Variants in HS3ST4 observed in about 807,000 individuals in gnomAD.
HS3ST4 encodes the protein heparan sulfate glucosamine 3-O-sulfotransferase 4.
HS3ST4 carries 17 observed loss-of-function variants against 29.2 expected under a neutral mutation model. The observed-to-expected ratio is 0.58, with a 90% CI of 0.40 to 0.87. The LOEUF (loss-of-function observed/expected upper bound fraction) is 0.87. HS3ST4 is among the 40% of genes least tolerant of loss of function. The pLI is 0.00. For synonymous variants in HS3ST4, 314 were observed against 285.7 expected (o/e 1.10, Z -1.00); for missense variants, 627 against 634.5 (o/e 0.99, Z 0.13).
chr16:25,891,633 G>A (rs1354765127), intron 1 of HS3ST4, among the ~76,000 whole-genome samples: 3 of 152,124 alleles, frequency 2.0e-5, no homozygotes, highest in Non-Finnish European at 4.4e-5. Context: ...ATAGCATCAC[G>A]TACTCTAGGT....
chr16:26,079,397 A>G (rs1427237651), intron 1 of HS3ST4, among the ~76,000 whole-genome samples: 1 of 152,250 alleles, frequency 6.6e-6, no homozygotes, highest in Non-Finnish European at 1.5e-5. Context: ...TCTTGAATAC[A>G]TTTAGGAGCA....
intron 1 of HS3ST4, among the ~76,000 whole-genome samples, chr16:26,127,644 C>G (rs1430243202): frequency 1.3e-5 from 2 of 152,188 alleles, no homozygotes; most frequent in African/African-American, 4.8e-5. Flanking sequence ...CAGATCCTGA[C>G]TCTGCCACAT....
chr16:25,715,104 C>T (rs991804221), intron 1 of HS3ST4, among the ~76,000 whole-genome samples: 14 of 151,832 alleles, frequency 9.2e-5, no homozygotes, highest in East Asian at 3.9e-4. Context: ...GGGTGGATCA[C>T]GAGGTCAGGA....
intron 1 of HS3ST4, among the ~76,000 whole-genome samples, chr16:26,000,588 A>C (rs550504597): frequency 6.6e-6 from 1 of 152,300 alleles, no homozygotes; most frequent in East Asian, 1.9e-4. Flanking sequence ...ACTAGGATTG[A>C]GTAGCATTAG....
At position 25,895,177 on chromosome 16, in the gene HS3ST4, G is replaced by A. The variant is rs116084902; in HGVS notation, c.734+202026G>A. ...TGTGTGTGTGCTCACAAGTGTGTGC[G>A]TGTGTGTGGCAGTTCTGGACCATGG... On this transcript the variant is annotated intron_variant, in intron 1 of 1. Coordinates refer to ENST00000331351, the MANE Select transcript of HS3ST4 (RefSeq NM_006040.3). 6.1e-3 allele frequency among the ~76,000 whole-genome samples: 933 copies of A among 152,180 alleles called. 11 individuals are homozygous for A. The highest frequency in any genetic ancestry group is 0.022 in the African/African-American group (893 of 41,530).
At chr16:25,710,623 T>C (rs1475803037) in intron 1 of HS3ST4, among the ~76,000 whole-genome samples, 1 of 152,090 alleles carries the variant, frequency 6.6e-6, no homozygotes, top group Non-Finnish European at 1.5e-5. Flanking sequence ...TAGGCCTATG[T>C]ACTAGAATGG....
At chr16:26,095,755 A>G (rs2141792994) in intron 1 of HS3ST4, among the ~76,000 whole-genome samples, 1 of 152,350 alleles carries the variant, frequency 6.6e-6, no homozygotes, top group African/African-American at 2.4e-5. Flanking sequence ...AAGGCAAGAA[A>G]TAACTAAGAT....
At chr16:26,056,776 A>G (rs1271486087) in intron 1 of HS3ST4, among the ~76,000 whole-genome samples, 1 of 152,086 alleles carries the variant, frequency 6.6e-6, no homozygotes, top group African/African-American at 2.4e-5. Context: ...CTTCTTAAAA[A>G]TTTTTCATGA....
At chr16:25,755,099 T>C (rs1198709827) in intron 1 of HS3ST4, among the ~76,000 whole-genome samples, 1 of 152,036 alleles carries the variant, frequency 6.6e-6, no homozygotes, top group Non-Finnish European at 1.5e-5. Flanking sequence ...CATTAATCTG[T>C]CCATCCATTC....
At chr16:25,867,616 A>G (rs928150646) in intron 1 of HS3ST4, among the ~76,000 whole-genome samples, 2 of 152,156 alleles carry the variant, frequency 1.3e-5, no homozygotes, top group Non-Finnish European at 2.9e-5. Context: ...ACAATTGCTC[A>G]ATACATACAA....
chr16:25,819,356 C>A (rs745992428), intron 1 of HS3ST4, among the ~76,000 whole-genome samples: 19 of 152,168 alleles, frequency 1.2e-4, no homozygotes, highest in Non-Finnish European at 2.2e-4. Context: ...GGGTCATGAT[C>A]CCACCACAGC....
chr16:25,831,395 C>CCACACA lies in HS3ST4; in HGVS notation c.734+138244_734+138245insCACACA, dbSNP rs555584666. Among the ~76,000 whole-genome samples the CCACACA allele has an allele frequency of 7.3e-3, 740 of 101,632 alleles. 7 individuals are homozygous for CCACACA. The highest frequency in any genetic ancestry group is 0.01 in the South Asian group (31 of 3,040). The allele number at this position is 101,632 out of a possible 152,430, so 66.7% of individuals were successfully genotyped here. The stretch of plus-strand genomic sequence containing the variant: ...TGGGCAACATAATGAGACCCCGTCT[C>CCACACA]TACACACACACACACACACACACAC... On this transcript the variant is annotated intron_variant, in intron 1 of 1. Coordinates refer to ENST00000331351, the MANE Select transcript of HS3ST4 (RefSeq NM_006040.3).
chr16:26,091,906 G>T (rs1898861994), intron 1 of HS3ST4, among the ~76,000 whole-genome samples: 1 of 152,134 alleles, frequency 6.6e-6, no homozygotes, highest in East Asian at 1.9e-4. Flanking sequence ...CTATTAGTGT[G>T]GGGGCACAGC....
At chr16:26,034,397 T>C (rs1969563911) in intron 1 of HS3ST4, among the ~76,000 whole-genome samples, 1 of 152,208 alleles carries the variant, frequency 6.6e-6, no homozygotes, top group South Asian at 2.1e-4. Context: ...ACACAGCGAC[T>C]GAAGCCCACT....
intron 1 of HS3ST4, among the ~76,000 whole-genome samples, chr16:25,701,864 A>G (rs193159141): frequency 2.2e-4 from 33 of 152,342 alleles, no homozygotes; most frequent in Admixed American, 1.3e-3. Flanking sequence ...GGATGGTTCA[A>G]TCTTGGGGAA....
intron 1 of HS3ST4, among the ~76,000 whole-genome samples, chr16:25,818,253 T>C (rs567432991): frequency 2.0e-5 from 3 of 152,314 alleles, no homozygotes; most frequent in Non-Finnish European, 4.4e-5. Flanking sequence ...GATTAGATCA[T>C]GAGAGTGAAG....
At chr16:25,753,551 T>G (rs1270762707) in intron 1 of HS3ST4, among the ~76,000 whole-genome samples, 1 of 152,212 alleles carries the variant, frequency 6.6e-6, no homozygotes, top group Non-Finnish European at 1.5e-5. Context: ...TGTGTTACTA[T>G]TTTCATGTGA....
At chr16:26,123,527 C>T (rs535131987) in intron 1 of HS3ST4, among the ~76,000 whole-genome samples, 186 of 152,238 alleles carry the variant, frequency 1.2e-3, no homozygotes, top group Non-Finnish European at 1.9e-3. Context: ...ATGAAAAATT[C>T]TTTTTTAATA....
intron 1 of HS3ST4, among the ~76,000 whole-genome samples, chr16:26,046,000 A>G (rs1898260310): frequency 6.6e-6 from 1 of 152,164 alleles, no homozygotes; most frequent in Non-Finnish European, 1.5e-5. Flanking sequence ...GAGACCATAA[A>G]ACATTTGCTT....
Sources: gnomAD v4.1 joint callset for allele counts (sites outside exome capture counted in the v4.1 genomes callset) on GRCh38, gnomAD v4.1.1 for gene constraint, MANE v1.5 for transcripts, NCBI Gene and HGNC (gene_info 2026-07-23, HGNC 2026-07-21) for gene names.